The following ZNF320 variants were observed in gnomAD, a reference collection of about 807,000 sequenced individuals.
ZNF320 encodes the protein zinc finger gene 320.
ZNF320 carries 2 observed loss-of-function variants against 6.8 expected under a neutral mutation model. The ratio of observed to expected loss-of-function variants is 0.29; its 90% CI spans 0.12 to 0.93. The LOEUF (loss-of-function observed/expected upper bound fraction) is 0.93, where lower values mean the gene tolerates loss of function less well. Among genes scored for constraint, ZNF320 ranks in the 40% least tolerant of loss-of-function variants. The pLI is 0.55. For missense variants in ZNF320, 472 were observed against 611.0 expected (o/e 0.77, Z 2.40); for synonymous variants, 208 against 203.2 (o/e 1.02, Z -0.20).
Position 52,881,172 on chromosome 19 carries a change from T to C in ZNF320, c.954A>G (p.Gly318=). The C allele has an allele frequency of 6.2e-7, 1 of 1,614,036 alleles. No homozygotes were observed. The highest frequency in any genetic ancestry group is 8.5e-7 in the Non-Finnish European group (1 of 1,180,010). ...TCTCTCCAGTGTGAACTCTACGATGTCCTGCAAGAGTTGCTCGTTGCTTAA... is the reference window on the plus strand; with the variant it reads ...TCTCTCCAGTGTGAACTCTACGATGCCCTGCAAGAGTTGCTCGTTGCTTAA... ...KVFKQRATLA[G]HRRVHTGEKP... The change falls in exon 6 of 6, where the codon GGA becomes GGG. Residue 318 remains glycine, a synonymous_variant. Transcript: ENST00000682928.
At chr19:52,891,782 T>G (rs1481892717) in intron 2 of ZNF320, among the ~76,000 whole-genome samples, 1 of 152,152 alleles carries the variant, frequency 6.6e-6, no homozygotes. Context: ...TACATTTAGC[T>G]GTGATATCCT....
downstream of ZNF320, chr19:52,876,131 G>A (rs1227153478): frequency 6.6e-6 from 1 of 152,150 alleles, no homozygotes; most frequent in African/African-American, 2.4e-5. Context: ...GCAGCTCACA[G>A]CTCACCATTT....
exon 6 of ZNF320, among the ~76,000 whole-genome samples, chr19:52,861,519 A>T (rs2063486879): frequency 6.6e-6 from 1 of 152,172 alleles, no homozygotes; most frequent in South Asian, 2.1e-4. Flanking sequence ...AAAGTGGCAC[A>T]CGTCTGTTGG....
At chr19:52,900,887 AAT>A (rs2064569094), upstream of ZNF320, among the ~76,000 whole-genome samples, 3 of 151,012 alleles carry the variant, frequency 2.0e-5, no homozygotes, top group Admixed American at 6.6e-5. Flanking sequence ...ATCTCACATA[AAT>A]ATGATTCTTG....
In ZNF320 at chr19:52,877,147, T is replaced by C. The variant is rs946522933; in HGVS notation, c.*3449A>G. 1.3e-5 allele frequency: 2 copies of C among 152,300 alleles called. No individual in the cohort carries two copies. Among genetic ancestry groups the C allele is most frequent in the African/African-American group, 4.8e-5 (2 of 41,444 alleles). The allele number at this position is 152,300 out of a possible 1,614,324, so 9.4% of individuals were successfully genotyped here. A position where few individuals can be genotyped will look rare whatever the true frequency, so the allele number is the denominator to read the frequency against. On this transcript the variant is annotated 3_prime_UTR_variant, in exon 6 of 6. Transcript: ENST00000682928. ...AAAGGAAACACATGCGTCCTGGGTCTGGGGACAGGGAGAGTCTAAGGCCAA... is the reference window on the plus strand; with the variant it reads ...AAAGGAAACACATGCGTCCTGGGTCCGGGGACAGGGAGAGTCTAAGGCCAA...
exon 6 of ZNF320, chr19:52,864,124 G>C: frequency 3.1e-6 from 1 of 325,084 alleles, no homozygotes; most frequent in Non-Finnish European, 6.1e-6. Flanking sequence ...CCAGCAAAGA[G>C]AACTCTATAG....
intron 5 of ZNF320, among the ~76,000 whole-genome samples, chr19:52,887,405 A>G (rs1016954041): frequency 6.6e-6 from 1 of 152,232 alleles, no homozygotes; most frequent in Non-Finnish European, 1.5e-5. Context: ...TGTAGGAAAG[A>G]AGACATTACA....
chr19:52,891,475 G>C (rs900802458), intron 2 of ZNF320, 129 bp from the exon 3 acceptor site: 19 of 153,166 alleles, frequency 1.2e-4, no homozygotes, highest in African/African-American at 4.3e-4. Flanking sequence ...AGACAGCTCT[G>C]AGCCTAGACC....
downstream of ZNF320, among the ~76,000 whole-genome samples, chr19:52,874,426 T>G (rs1181717264): frequency 1.3e-5 from 2 of 152,138 alleles, no homozygotes; most frequent in Admixed American, 1.3e-4. Context: ...CTGCCTTGAT[T>G]TTCAATGCTG....
In ZNF320 at chr19:52,881,790, G is replaced by A. The variant is rs757075100; in HGVS notation, c.336C>T (p.Pro112=). 3.1e-6 allele frequency: 5 copies of A among 1,613,622 alleles called. No individual in the cohort carries two copies. Among genetic ancestry groups the A allele is most frequent in the Admixed American group, 1.7e-5 (1 of 59,948 alleles). Residue 112 remains proline (P), a synonymous_variant, in exon 6 of 6, where the codon CCC becomes CCT. Coordinates refer to ENST00000682928, the MANE Select transcript of ZNF320 (RefSeq NM_001351774.2). ...QEDETNDHEA[P]MTEIKKLTSS... is the part of the protein sequence containing the mutation. ...TAGTCAACTTTTTTATTTCTGTCAT[G>A]GGTGCTTCATGGTCATTTGTTTCAT...
intron 2 of ZNF320, among the ~76,000 whole-genome samples, chr19:52,892,906 T>TTTGCTGTCCCTCTCCCTACC: frequency 7.0e-6 from 1 of 143,168 alleles, no homozygotes; most frequent in Admixed American, 6.9e-5. Context: ...AGACTCCCTC[T>TTTGCTGTCCCTCTCCCTACC]TTGCTGTCCC....
Position 52,879,457 on chromosome 19 carries a change from A to C in ZNF320, c.*1139T>G. On this transcript the variant is annotated 3_prime_UTR_variant, in exon 6 of 6. Transcript: ENST00000682928. ...GAAAGAGAAGGAAATTTACCTCAAC[A>C]ATACAAAGACCATCCATGAAATGAC... 1 of 170,198 alleles carries C rather than the reference A, an allele frequency of 5.9e-6. No individual in the cohort carries two copies. Among genetic ancestry groups the C allele is most frequent in the Non-Finnish European group, 1.3e-5 (1 of 79,952 alleles). 10.5% of individuals were successfully genotyped at this position (170,198 alleles called of 1,614,324 possible). A position where few individuals can be genotyped will look rare whatever the true frequency, so the allele number is the denominator to read the frequency against.
In ZNF320 at chr19:52,882,022, C is replaced by A. The variant is rs762681807; in HGVS notation, c.143-39G>T. ...ACACCAATAGGTTTCCAATTAAGTA[C>A]AGATGGTATAAAACACTGAAATGTA... On this transcript the variant is annotated intron_variant, in intron 5 of 5. Coordinates refer to ENST00000682928, the MANE Select transcript of ZNF320 (RefSeq NM_001351774.2). 2.7e-5 allele frequency: 42 copies of A among 1,559,684 alleles called. No homozygotes were observed. The South Asian group carries it at 4.9e-4, about 18-fold the overall frequency.
chr19:52,866,280 G>A lies in ZNF320; in HGVS notation c.224-2121C>T, dbSNP rs1485767417. Among the ~76,000 whole-genome samples the A allele has an allele frequency of 5.4e-5, 8 of 149,294 alleles. No homozygotes were observed. The East Asian group carries it at 7.8e-4, about 15-fold the overall frequency. ...TAAGGCTGGATGCAGTTACTCATGC[G>A]CTGGGTGCAGTGACTCATGCCTGTA... On this transcript the variant is annotated intron_variant, in intron 5 of 5. Coordinates refer to the ZNF320 transcript ENST00000673631.
chr19:52,895,322 G>T, intron 1 of ZNF320: 1 of 152,048 alleles, frequency 6.6e-6, no homozygotes, highest in Non-Finnish European at 1.5e-5. Context: ...AAATTAGCTT[G>T]GCGCAGTGGC....
In ZNF320 at chr19:52,866,026, TTA is replaced by T. The variant is rs1288868591; in HGVS notation, c.224-1869_224-1868del. ...ATATATATTTATATATTATACATAT[TTA>T]TATATATGATTATACATATATATGA... On this transcript the variant is annotated intron_variant, in intron 5 of 5. Transcript: ENST00000673631. 3.7e-4 allele frequency among the ~76,000 whole-genome samples: 44 copies of T among 119,718 alleles called. 6 individuals are homozygous for T. Among genetic ancestry groups the T allele is most frequent in the Middle Eastern group, 4.2e-3 (1 of 236 alleles). 78.5% of individuals were successfully genotyped at this position (119,718 alleles called of 152,430 possible). A position where few individuals can be genotyped will look rare whatever the true frequency, so the allele number is the denominator to read the frequency against.
At chr19:52,893,024 T>C (rs974989765) in intron 2 of ZNF320, among the ~76,000 whole-genome samples, 8 of 152,066 alleles carry the variant, frequency 5.3e-5, no homozygotes, top group Admixed American at 1.3e-4. Flanking sequence ...ACTTTTGCTG[T>C]CTCTTGGCAA....
At chr19:52,862,602 C>A (rs568523347) in exon 6 of ZNF320, 15 of 473,378 alleles carry the variant, frequency 3.2e-5, no homozygotes, top group African/African-American at 2.6e-4. Context: ...TTCACTATAC[C>A]ATGGATTGCT....
At chr19:52,884,435 A>G (rs1008378292) in intron 5 of ZNF320, among the ~76,000 whole-genome samples, 1 of 152,066 alleles carries the variant, frequency 6.6e-6, no homozygotes, top group Non-Finnish European at 1.5e-5. Flanking sequence ...CTCCTGCCTC[A>G]GCCTCCCAAG....
Sources: gnomAD v4.1 joint callset for allele counts (sites outside exome capture counted in the v4.1 genomes callset) on GRCh38, gnomAD v4.1.1 for gene constraint, MANE v1.5 for transcripts, NCBI Gene and HGNC (gene_info 2026-07-23, HGNC 2026-07-21) for gene names.